Variants in BNC2 observed in about 807,000 individuals in gnomAD.
BNC2 encodes zinc finger protein basonuclin-2.
BNC2 carries 20 observed loss-of-function variants against 76.3 expected under a neutral mutation model. The ratio of observed to expected loss-of-function variants is 0.26; its 90% CI spans 0.18 to 0.38. BNC2 has a LOEUF of 0.38. BNC2 is among the 10% of genes least tolerant of loss of function. The probability of loss-of-function intolerance (pLI) is 1.00; values close to 1 mark genes in which losing one functional copy is unlikely to be tolerated. For missense variants in BNC2, 1,382 were observed against 1,399.8 expected (o/e 0.99, Z 0.20); for synonymous variants, 582 against 514.8 (o/e 1.13, Z -1.77).
intron 4 of BNC2, among the ~76,000 whole-genome samples, chr9:16,582,620 T>C (rs2133049577): frequency 6.6e-6 from 1 of 152,284 alleles, no homozygotes; most frequent in South Asian, 2.1e-4. Flanking sequence ...GCAAGGAGGA[T>C]TTGCCAGCTT....
chr9:16,654,488 A>G (rs1193187994), intron 3 of BNC2, among the ~76,000 whole-genome samples: 2 of 152,216 alleles, frequency 1.3e-5, no homozygotes, highest in Admixed American at 1.3e-4. Flanking sequence ...CTCCTGAAAC[A>G]GACCAAAACA....
intron 2 of BNC2, among the ~76,000 whole-genome samples, chr9:16,731,928 T>C (rs1824515319): frequency 6.6e-6 from 1 of 151,984 alleles, no homozygotes; most frequent in Non-Finnish European, 1.5e-5. Context: ...CTACACACTG[T>C]GCATGTACCC....
intron 5 of BNC2, among the ~76,000 whole-genome samples, chr9:16,541,863 T>C (rs921973846): frequency 2.0e-5 from 3 of 152,120 alleles, no homozygotes; most frequent in African/African-American, 7.2e-5. Flanking sequence ...ATTCTCCTAT[T>C]TATCCTACTA....
chr9:16,617,541 A>C (rs1413765996), intron 3 of BNC2, among the ~76,000 whole-genome samples: 2 of 152,150 alleles, frequency 1.3e-5, no homozygotes, highest in South Asian at 2.1e-4. Flanking sequence ...AAAAAAAAAA[A>C]AAACCACGAT....
intron 5 of BNC2, among the ~76,000 whole-genome samples, chr9:16,469,125 T>A (rs1386213581): frequency 6.6e-6 from 1 of 152,240 alleles, no homozygotes; most frequent in African/African-American, 2.4e-5. Flanking sequence ...AGGTACTGTA[T>A]ATGACTAAAT....
At chr9:16,665,489 A>AG (rs1491300320) in intron 3 of BNC2, among the ~76,000 whole-genome samples, 6 of 141,324 alleles carry the variant, frequency 4.2e-5, no homozygotes, top group Admixed American at 3.5e-4. Context: ...AAAGAAAGAA[A>AG]GAGAGAGAGA....
At chr9:16,861,181 AAT>A (rs71327866) in intron 1 of BNC2, among the ~76,000 whole-genome samples, 116,122 of 131,730 alleles carry the variant, frequency 0.88, 52,452 homozygotes, top group South Asian at 0.97. Flanking sequence ...ATCTCTACAA[AAT>A]ATATATATAT....
intron 4 of BNC2, among the ~76,000 whole-genome samples, chr9:16,565,284 G>A (rs1819136580): frequency 6.6e-6 from 1 of 152,146 alleles, no homozygotes; most frequent in African/African-American, 2.4e-5. Flanking sequence ...ACCTGGGTCA[G>A]AAGACCTTGG....
chr9:16,614,680 C>T (rs1820645554), intron 3 of BNC2, among the ~76,000 whole-genome samples: 1 of 151,774 alleles, frequency 6.6e-6, no homozygotes, highest in African/African-American at 2.4e-5. Flanking sequence ...GGAGTGGTGG[C>T]TCATGCCTGT....
At chr9:16,541,131 A>C (rs1382252117) in intron 5 of BNC2, among the ~76,000 whole-genome samples, 1 of 152,208 alleles carries the variant, frequency 6.6e-6, no homozygotes, top group Non-Finnish European at 1.5e-5. Context: ...CTCTCAGTTA[A>C]TCTCCATCGA....
intron 1 of BNC2, among the ~76,000 whole-genome samples, chr9:16,765,238 G>A (rs77864500): frequency 0.016 from 2,494 of 152,170 alleles, 62 homozygotes; most frequent in African/African-American, 0.055. Context: ...ATTAGAGGAT[G>A]TTTTCTGGGG....
chr9:16,420,172 G>C (rs1820681681), intron 6 of BNC2, among the ~76,000 whole-genome samples: 1 of 152,042 alleles, frequency 6.6e-6, no homozygotes, highest in Non-Finnish European at 1.5e-5. Flanking sequence ...AGATAATTTA[G>C]ATATAACTTC....
intron 1 of BNC2, among the ~76,000 whole-genome samples, chr9:16,776,884 G>T (rs1213601035): frequency 2.0e-5 from 3 of 152,134 alleles, no homozygotes; most frequent in African/African-American, 7.2e-5. Context: ...CCAGCACTTT[G>T]GGAGTCCAAG....
At chr9:16,544,740 A>G (rs1185793526) in intron 5 of BNC2, among the ~76,000 whole-genome samples, 2 of 149,712 alleles carry the variant, frequency 1.3e-5, no homozygotes, top group African/African-American at 4.9e-5. Context: ...AATCCAGGAG[A>G]TGGGGGTTGC....
intron 3 of BNC2, among the ~76,000 whole-genome samples, chr9:16,660,305 T>C (rs764625858): frequency 6.6e-6 from 1 of 151,980 alleles, no homozygotes; most frequent in African/African-American, 2.4e-5. Flanking sequence ...AAATACAAAA[T>C]TAACCAGGCG....
chr9:16,429,225 T>C (rs997369383), intron 6 of BNC2: 1 of 152,178 alleles, frequency 6.6e-6, no homozygotes, highest in Admixed American at 6.5e-5. Flanking sequence ...CCCTTCCTCT[T>C]AGTACAACCA....
At chr9:16,628,427 C>T (rs778212522) in intron 3 of BNC2, among the ~76,000 whole-genome samples, 1 of 152,120 alleles carries the variant, frequency 6.6e-6, no homozygotes, top group Non-Finnish European at 1.5e-5. Flanking sequence ...TCAAGTGGAA[C>T]GCCGTGAGAG....
At chr9:16,768,297 A>G (rs1457411895) in intron 1 of BNC2, among the ~76,000 whole-genome samples, 6 of 152,212 alleles carry the variant, frequency 3.9e-5, no homozygotes, top group Admixed American at 3.3e-4. Context: ...GAAGTCAGTA[A>G]GAGCCACCAA....
At chr9:16,773,842 T>C (rs1825892880) in intron 1 of BNC2, among the ~76,000 whole-genome samples, 2 of 152,168 alleles carry the variant, frequency 1.3e-5, no homozygotes. Context: ...TAACAGTACG[T>C]CCTTTCTATT....
Sources: allele counts gnomAD v4.1 joint callset (sites outside exome capture counted in the v4.1 genomes callset), GRCh38; gene constraint gnomAD v4.1.1; transcripts MANE v1.5; gene names NCBI Gene and HGNC (gene_info 2026-07-23, HGNC 2026-07-21).